ANKRD12: variants seen among roughly 807,000 people sequenced by gnomAD.
The protein encoded by ANKRD12 is ankyrin repeat domain-containing protein 12.
In ANKRD12, 85 loss-of-function variants were observed where a neutral mutation model predicts 183.4. That is an observed-to-expected ratio of 0.46 (90% CI 0.39 to 0.56). ANKRD12 has a LOEUF of 0.56. Among genes scored for constraint, ANKRD12 ranks in the 20% least tolerant of loss-of-function variants. ANKRD12 has a pLI of 0.00. For missense variants in ANKRD12, 2,405 were observed against 2,357.1 expected (o/e 1.02, Z -0.42); for synonymous variants, 914 against 800.2 (o/e 1.14, Z -2.40).
At chr18:9,165,989 C>A (rs1259162547) in intron 1 of ANKRD12, among the ~76,000 whole-genome samples, 1 of 150,582 alleles carries the variant, frequency 6.6e-6, no homozygotes, top group African/African-American at 2.4e-5. Context: ...TTTGTCCTTG[C>A]GATAGTTTGC....
chr18:9,177,272 G>A (rs758683803), intron 1 of ANKRD12, among the ~76,000 whole-genome samples: 2 of 152,098 alleles, frequency 1.3e-5, no homozygotes, highest in Non-Finnish European at 2.9e-5. Flanking sequence ...ATAACACCAA[G>A]TATTCTCATT....
intron 1 of ANKRD12, among the ~76,000 whole-genome samples, chr18:9,157,363 G>GAGT (rs2030643932): frequency 6.6e-6 from 1 of 151,932 alleles, no homozygotes; most frequent in South Asian, 2.1e-4. Flanking sequence ...CATCACAAGA[G>GAGT]AGTATACTAC....
chr18:9,209,227 AC>A (rs2035646963), intron 5 of ANKRD12, among the ~76,000 whole-genome samples: 1 of 152,210 alleles, frequency 6.6e-6, no homozygotes. Flanking sequence ...AAGGGAACAA[AC>A]CAAACAACAT....
intron 8 of ANKRD12, among the ~76,000 whole-genome samples, chr18:9,252,402 G>A (rs1339220959): frequency 1.3e-5 from 2 of 152,168 alleles, no homozygotes; most frequent in African/African-American, 4.8e-5. Context: ...TGAGTCTGAT[G>A]AGCATGTGTG....
intron 1 of ANKRD12, among the ~76,000 whole-genome samples, chr18:9,143,281 TA>T (rs1223375099): frequency 6.6e-6 from 1 of 152,222 alleles, no homozygotes; most frequent in African/African-American, 2.4e-5. Flanking sequence ...AGTTGAAATT[TA>T]TAAGTTATAA....
intron 2 of ANKRD12, among the ~76,000 whole-genome samples, chr18:9,194,457 A>G (rs888234819): frequency 6.6e-6 from 1 of 151,942 alleles, no homozygotes; most frequent in African/African-American, 2.4e-5. Flanking sequence ...CCCAGATTCA[A>G]GTGATTCTCC....
intron 6 of ANKRD12, among the ~76,000 whole-genome samples, chr18:9,214,359 A>T (rs1363557217): frequency 6.6e-6 from 1 of 151,054 alleles, no homozygotes; most frequent in African/African-American, 2.4e-5. Context: ...TCATAGCTGC[A>T]TAAAATTTAC....
At chr18:9,280,904 C>G (rs753330300) in intron 12 of ANKRD12, 37 bp from the exon 13 acceptor site, 1 of 1,577,334 alleles carries the variant, frequency 6.3e-7, no homozygotes, top group Non-Finnish European at 8.6e-7. Context: ...GCAAAGTTAA[C>G]AGAATAATCA....
At chr18:9,268,573 C>G (rs890960403) in intron 10 of ANKRD12, among the ~76,000 whole-genome samples, 5 of 152,130 alleles carry the variant, frequency 3.3e-5, no homozygotes, top group South Asian at 2.1e-4. Context: ...ATTCAACAAC[C>G]CTTCATGCTA....
chr18:9,168,916 T>G (rs914295244), intron 1 of ANKRD12, among the ~76,000 whole-genome samples: 2 of 152,200 alleles, frequency 1.3e-5, no homozygotes, highest in East Asian at 1.9e-4. Context: ...TCTGGTATGT[T>G]GTGTCTTTGT....
intron 7 of ANKRD12, among the ~76,000 whole-genome samples, chr18:9,221,563 A>G (rs766249225): frequency 1.3e-5 from 2 of 152,074 alleles, no homozygotes; most frequent in African/African-American, 2.4e-5. Flanking sequence ...CTCAATAAAT[A>G]TTTGACTTTA....
chr18:9,195,806 G>T (rs1489219255), intron 3 of ANKRD12, 108 bp downstream of exon 3: 3 of 988,832 alleles, frequency 3.0e-6, no homozygotes, highest in Non-Finnish European at 4.3e-6. Flanking sequence ...AGAAATATTT[G>T]TATTTCACTA....
At chr18:9,248,188 GC>G (rs1433974690) in intron 8 of ANKRD12, among the ~76,000 whole-genome samples, 1 of 152,186 alleles carries the variant, frequency 6.6e-6, no homozygotes, top group African/African-American at 2.4e-5. Context: ...AGAAGAACTT[GC>G]TTGTGGGGAT....
chr18:9,279,029 C>T (rs1170096815), intron 11 of ANKRD12, among the ~76,000 whole-genome samples: 1 of 152,002 alleles, frequency 6.6e-6, no homozygotes, highest in African/African-American at 2.4e-5. Context: ...AGATACAGAG[C>T]TGGAATTTGA....
Position 9,221,934 on chromosome 18 carries a change from CAGA to C in ANKRD12, c.879_881del (p.Glu295del). 1 of 1,613,940 alleles carries C rather than the reference CAGA, an allele frequency of 6.2e-7. No homozygotes were observed. Among genetic ancestry groups the C allele is most frequent in the East Asian group, 2.2e-5 (1 of 44,864 alleles). On this transcript the variant is annotated inframe_deletion, in exon 8 of 13. Transcript: ENST00000262126. ...GAGCGTCCAGTGGATGTAGCAGAAA[CAGA>C]GGAGTTGGAGTTGCTACTAAAAAGA...
chr18:9,221,107 T>C (rs557589295), intron 7 of ANKRD12, among the ~76,000 whole-genome samples: 3 of 152,246 alleles, frequency 2.0e-5, no homozygotes, highest in African/African-American at 4.8e-5. Flanking sequence ...GCAAGAAATA[T>C]GAACTGTGGA....
intron 1 of ANKRD12, among the ~76,000 whole-genome samples, chr18:9,157,771 A>T (rs765350380): frequency 1.3e-5 from 2 of 151,936 alleles, no homozygotes; most frequent in Non-Finnish European, 2.9e-5. Flanking sequence ...AACAAAAATG[A>T]CAGCATCGGT....
intron 1 of ANKRD12, among the ~76,000 whole-genome samples, chr18:9,167,829 A>G (rs2032248348): frequency 6.6e-6 from 1 of 152,184 alleles, no homozygotes; most frequent in African/African-American, 2.4e-5. Flanking sequence ...GTTTTTGCCC[A>G]TTCAGTATGA....
chr18:9,277,913 T>A (rs2039929594), intron 11 of ANKRD12, among the ~76,000 whole-genome samples: 1 of 152,240 alleles, frequency 6.6e-6, no homozygotes, highest in South Asian at 2.1e-4. Context: ...GTAATTCATT[T>A]TCCCTGCCCC....
Sources: gnomAD v4.1 joint callset for allele counts (sites outside exome capture counted in the v4.1 genomes callset) on GRCh38, gnomAD v4.1.1 for gene constraint, MANE v1.5 for transcripts, NCBI Gene and HGNC (gene_info 2026-07-23, HGNC 2026-07-21) for gene names.